Variants in ALX4 observed in about 807,000 individuals in gnomAD.
ALX4 encodes the protein ALX homeobox 4, also known as homeobox protein aristaless-like 4.
A neutral mutation model predicts 40.6 loss-of-function variants in ALX4; 22 were observed. The ratio of observed to expected loss-of-function variants is 0.54; its 90% CI spans 0.39 to 0.77. The LOEUF is 0.77. Ranked by LOEUF, ALX4 falls within the 30% of genes least tolerant of loss-of-function variation. The pLI is 0.00. For missense variants in ALX4, 556 were observed against 564.8 expected, an observed-to-expected ratio of 0.98 and a Z score of 0.16; for synonymous variants, 266 against 240.5, an observed-to-expected ratio of 1.11 and a Z score of -0.98.
At chr11:44,293,170 A>AGGAAGGAG (rs1211281368) in intron 1 of ALX4, among the ~76,000 whole-genome samples, 380 of 20,592 alleles carry the variant, frequency 0.018, 64 homozygotes, top group South Asian at 0.034. Context: ...GAAGGAAGGA[A>AGGAAGGAG]GCAGGCAGGC....
intron 1 of ALX4, among the ~76,000 whole-genome samples, chr11:44,307,748 T>A (rs1322213033): frequency 6.6e-6 from 1 of 152,178 alleles, no homozygotes; most frequent in Non-Finnish European, 1.5e-5. Flanking sequence ...CGGACAGGGC[T>A]GAGAGTCTCT....
rs1026133216 is a variant in ALX4, at chr11:44,263,291, C to T, written c.*1563G>A. 3 of 152,442 alleles carry T rather than the reference C, an allele frequency of 2.0e-5. No homozygotes were observed. The highest frequency in any genetic ancestry group is 2.9e-5 in the Non-Finnish European group (2 of 68,144). 9.4% of individuals were successfully genotyped at this position (152,442 alleles called of 1,614,324 possible). On this transcript the variant is annotated 3_prime_UTR_variant, in exon 4 of 4. Transcript: ENST00000652299. ...GGGCGCTGCCTGCTGGAGGGACCCCCCACCTGGGGTCTGACAGGCCTGCCT... is the reference window on the plus strand; with the variant it reads ...GGGCGCTGCCTGCTGGAGGGACCCCTCACCTGGGGTCTGACAGGCCTGCCT...
intron 1 of ALX4, among the ~76,000 whole-genome samples, chr11:44,300,629 T>C (rs1956429334): frequency 1.3e-5 from 2 of 152,180 alleles, no homozygotes; most frequent in South Asian, 4.1e-4. Flanking sequence ...GCAGACACAC[T>C]ACCTCTCTCC....
chr11:44,300,886 GC>G (rs1318660037), intron 1 of ALX4, among the ~76,000 whole-genome samples: 2 of 152,348 alleles, frequency 1.3e-5, no homozygotes, highest in East Asian at 3.9e-4. Flanking sequence ...CAACTTTCCT[GC>G]ACCCTCCCCT....
Position 44,264,763 on chromosome 11 carries a change from TA to T in ALX4, c.*90del. The T allele has an allele frequency of 6.8e-7, 1 of 1,467,268 alleles. No individual in the cohort carries two copies. Among genetic ancestry groups the T allele is most frequent in the Non-Finnish European group, 9.3e-7 (1 of 1,077,294 alleles). The allele number at this position is 1,467,268 out of a possible 1,614,324, so 90.9% of individuals were successfully genotyped here. On this transcript the variant is annotated 3_prime_UTR_variant, in exon 4 of 4. Transcript: ENST00000652299. ...AGGCCCCTGGCCCAGGCCAGGTTCC[TA>T]AGAGGAAAGTCGAGTGGGAGGCTGG...
At chr11:44,296,787 T>A (rs1350936719) in intron 1 of ALX4, among the ~76,000 whole-genome samples, 1 of 151,982 alleles carries the variant, frequency 6.6e-6, no homozygotes, top group African/African-American at 2.4e-5. Flanking sequence ...GGCGGGTGGA[T>A]CACCTGAGGT....
chr11:44,309,224 A>AGCCCCGCC, intron 1 of ALX4, among the ~76,000 whole-genome samples: 1 of 147,732 alleles, frequency 6.8e-6, no homozygotes. Context: ...GCAGCCCCGC[A>AGCCCCGCC]GCCCAGCGCC....
intron 2 of ALX4, among the ~76,000 whole-genome samples, chr11:44,272,589 T>G (rs1244989469): frequency 6.6e-6 from 1 of 151,660 alleles, no homozygotes. Flanking sequence ...GTGCACCACT[T>G]GAGGTCATGA....
At chr11:44,283,026 C>T (rs1956318223) in intron 1 of ALX4, among the ~76,000 whole-genome samples, 1 of 152,128 alleles carries the variant, frequency 6.6e-6, no homozygotes, top group South Asian at 2.1e-4. Flanking sequence ...GATGGTGGAT[C>T]ACCTGAGGTC....
At chr11:44,281,340 TC>T (rs34632666) in intron 1 of ALX4, among the ~76,000 whole-genome samples, 1 of 152,016 alleles carries the variant, frequency 6.6e-6, no homozygotes, top group African/African-American at 2.4e-5. Context: ...GGGATGTGTG[TC>T]CCCGTGGGCA....
At chr11:44,281,294 G>A (rs1029353676) in intron 1 of ALX4, among the ~76,000 whole-genome samples, 12 of 152,176 alleles carry the variant, frequency 7.9e-5, no homozygotes, top group South Asian at 2.1e-4. Flanking sequence ...TTTGTGGAGT[G>A]TGCATGCTTG....
chr11:44,305,965 G>A (rs1433695000), intron 1 of ALX4, among the ~76,000 whole-genome samples: 1 of 152,238 alleles, frequency 6.6e-6, no homozygotes, highest in African/African-American at 2.4e-5. Context: ...GAGTTTGGGG[G>A]CGAGGCGCCG....
intron 1 of ALX4, among the ~76,000 whole-genome samples, chr11:44,278,219 A>G (rs1332103390): frequency 6.6e-6 from 1 of 152,046 alleles, no homozygotes; most frequent in African/African-American, 2.4e-5. Context: ...TGTTACAGGA[A>G]CTGAGAGTTG....
intron 1 of ALX4, among the ~76,000 whole-genome samples, chr11:44,303,911 T>C (rs1956450454): frequency 6.6e-6 from 1 of 152,202 alleles, no homozygotes; most frequent in Non-Finnish European, 1.5e-5. Flanking sequence ...TGAATGGAGA[T>C]GGGGGTGTCC....
At chr11:44,296,069 C>T (rs1460829171) in intron 1 of ALX4, among the ~76,000 whole-genome samples, 1 of 152,216 alleles carries the variant, frequency 6.6e-6, no homozygotes, top group Non-Finnish European at 1.5e-5. Flanking sequence ...GGTCCTTGTA[C>T]ATTCTGCAAT....
chr11:44,293,291 T>C (rs1229785762), intron 1 of ALX4, among the ~76,000 whole-genome samples: 2 of 152,008 alleles, frequency 1.3e-5, no homozygotes, highest in Admixed American at 1.3e-4. Context: ...TTAAAATGCA[T>C]GATGTGGCCA....
chr11:44,279,232 G>A (rs1280666438), intron 1 of ALX4, among the ~76,000 whole-genome samples: 1 of 152,170 alleles, frequency 6.6e-6, no homozygotes, highest in East Asian at 1.9e-4. Flanking sequence ...CTGGTTCACT[G>A]ATTCCAGTTC....
At chr11:44,293,989 C>T (rs1010001276) in intron 1 of ALX4, among the ~76,000 whole-genome samples, 2 of 152,060 alleles carry the variant, frequency 1.3e-5, no homozygotes, top group African/African-American at 2.4e-5. Context: ...ATGCAGTGTG[C>T]TGAAAACCCC....
intron 1 of ALX4, among the ~76,000 whole-genome samples, chr11:44,276,202 C>T (rs1432615551): frequency 1.3e-5 from 2 of 152,336 alleles, no homozygotes; most frequent in East Asian, 1.9e-4. Context: ...GGAGACTCTG[C>T]CCCAAGAGTC....
Sources: allele counts gnomAD v4.1 joint callset (sites outside exome capture counted in the v4.1 genomes callset), GRCh38; gene constraint gnomAD v4.1.1; transcripts MANE v1.5; gene names NCBI Gene and HGNC (gene_info 2026-07-23, HGNC 2026-07-21).